ALMS1: variants seen among roughly 807,000 people sequenced by gnomAD.
ALMS1 encodes the protein ALMS1 centrosome and basal body associated protein, also known as centrosome-associated protein ALMS1.
Under a neutral mutation model 352.2 loss-of-function variants are expected in ALMS1, and 271 were observed. The observed-to-expected ratio is 0.77, with a 90% CI of 0.70 to 0.85. The LOEUF (loss-of-function observed/expected upper bound fraction) is 0.85, where lower values mean the gene tolerates loss of function less well. Among genes scored for constraint, ALMS1 ranks in the 40% least tolerant of loss-of-function variants. The pLI, the probability that ALMS1 is intolerant of heterozygous loss-of-function variation, is 0.00. For missense variants in ALMS1, 5,445 were observed against 4,870.7 expected (o/e 1.12, Z -3.51); for synonymous variants, 1,865 against 1,761.2 (o/e 1.06, Z -1.48).
chr2:73,512,446 A>T (rs573650519), intron 10 of ALMS1, among the ~76,000 whole-genome samples: 2 of 150,516 alleles, frequency 1.3e-5, no homozygotes, highest in Non-Finnish European at 3.0e-5. Flanking sequence ...TTATCTCATT[A>T]TTGCTTTAAT....
intron 9 of ALMS1, among the ~76,000 whole-genome samples, chr2:73,480,552 T>G (rs1345581445): frequency 1.3e-5 from 2 of 152,014 alleles, no homozygotes; most frequent in Non-Finnish European, 2.9e-5. Flanking sequence ...GCATGTGTCT[T>G]TATAGCAGCA....
chr2:73,415,094 T>C (rs1186208728), intron 2 of ALMS1, among the ~76,000 whole-genome samples: 5 of 152,082 alleles, frequency 3.3e-5, no homozygotes, highest in Non-Finnish European at 7.4e-5. Flanking sequence ...TATCTCAAAC[T>C]TTTTTTCTCC....
intron 12 of ALMS1, among the ~76,000 whole-genome samples, chr2:73,536,445 C>T (rs533066594): frequency 2.4e-4 from 36 of 151,442 alleles, no homozygotes; most frequent in African/African-American, 7.0e-4. Context: ...TGCATCAGTA[C>T]GACAAAAAGA....
intron 15 of ALMS1, among the ~76,000 whole-genome samples, chr2:73,571,443 C>A (rs1197127368): frequency 6.6e-6 from 1 of 152,104 alleles, no homozygotes; most frequent in Non-Finnish European, 1.5e-5. Context: ...GTCTCTGCTT[C>A]CAAAATGGTG....
intron 3 of ALMS1, among the ~76,000 whole-genome samples, chr2:73,419,997 C>T (rs544787447): frequency 4.3e-4 from 66 of 152,284 alleles, no homozygotes; most frequent in African/African-American, 1.5e-3. Flanking sequence ...TTAGTGCCAA[C>T]GTTTTCTATG....
intron 1 of ALMS1, 90 bp downstream of exon 1, chr2:73,386,282 G>T: frequency 2.1e-6 from 3 of 1,407,778 alleles, no homozygotes; most frequent in Non-Finnish European, 2.8e-6. Flanking sequence ...AGGTCACGCC[G>T]CCTGACGGAG....
Position 73,491,392 on chromosome 2 carries a change from A to T in ALMS1, c.9433A>T (p.Ile3145Leu), listed in dbSNP as rs767987000. 1 of 1,614,186 alleles carries T rather than the reference A, an allele frequency of 6.2e-7. No homozygotes were observed. ...SNTITQDLKT[I>L]PSQNSQIVTS... ...CACTATTACTCAGGACTTGAAAACC[A>T]TACCTTCTCAGAATAGCCAGATAGT... Residue 3145 changes from isoleucine to leucine, a missense_variant, in exon 10 of 23, where the codon ATA (isoleucine) becomes TTA (leucine). Ile to Leu is a conservative substitution (Grantham distance 5). Coordinates refer to ENST00000613296, the MANE Select transcript of ALMS1 (RefSeq NM_001378454.1).
At chr2:73,463,174 G>A (rs187618397) in intron 9 of ALMS1, among the ~76,000 whole-genome samples, 51 of 152,156 alleles carry the variant, frequency 3.4e-4, no homozygotes, top group East Asian at 3.1e-3. Flanking sequence ...GCACCACACC[G>A]CACCTATTCC....
At position 73,445,751 on chromosome 2, in the gene ALMS1, C is replaced by T. The variant is rs140536224; in HGVS notation, c.1433-2209C>T. Among the ~76,000 whole-genome samples the T allele has an allele frequency of 6.3e-3, 927 of 148,062 alleles. 7 individuals carry two copies. The highest frequency in any genetic ancestry group is 9.5e-3 in the Non-Finnish European group (636 of 67,106). On this transcript the variant is annotated intron_variant, in intron 7 of 22. Transcript: ENST00000613296. Reference sequence around the variant, plus strand: ...TGTCATCTCTAAGAGGCATACAGTTCCCACCCAATATACAACTTTGGTGTA... The same window carrying T: ...TGTCATCTCTAAGAGGCATACAGTTTCCACCCAATATACAACTTTGGTGTA...
At position 73,448,555 on chromosome 2, in the gene ALMS1, C is replaced by CT; in HGVS notation, c.2033dup (p.Tyr679LeufsTer12). On this transcript the variant is annotated frameshift_variant, in exon 8 of 23. Coordinates refer to ENST00000613296, the MANE Select transcript of ALMS1 (RefSeq NM_001378454.1). LOFTEE classifies it high-confidence loss of function. ...CCCACTCACATGTAGAGGACCTCCT[C>CT]TTTTTCTATCGACAGACCTTGCCAG... The CT allele has an allele frequency of 6.2e-7, 1 of 1,613,914 alleles. No homozygotes were observed. The highest frequency in any genetic ancestry group is 8.5e-7 in the Non-Finnish European group (1 of 1,179,906).
intron 9 of ALMS1, among the ~76,000 whole-genome samples, chr2:73,481,656 G>A (rs34142813): frequency 0.37 from 53,900 of 146,888 alleles, 14,612 homozygotes; most frequent in African/African-American, 0.76. Flanking sequence ...GAATCTGTAA[G>A]TTACCTTGGG....
chr2:73,547,569 G>A (rs536579681), intron 12 of ALMS1, among the ~76,000 whole-genome samples: 30 of 152,264 alleles, frequency 2.0e-4, no homozygotes, highest in African/African-American at 7.0e-4. Context: ...TAAAACAATG[G>A]ACTCCCATAA....
chr2:73,453,889 A>C lies in ALMS1; in HGVS notation c.7362A>C (p.Thr2454=). Residue 2454 remains threonine (T), a synonymous_variant, in exon 8 of 23, where the codon ACA becomes ACC. Coordinates refer to ENST00000613296, the MANE Select transcript of ALMS1 (RefSeq NM_001378454.1). ...TCTTTCCATATGTTTCACCCAAGACAAGTATAACAGATAGCAGGGAGGAAG... is the reference window on the plus strand; with the variant it reads ...TCTTTCCATATGTTTCACCCAAGACCAGTATAACAGATAGCAGGGAGGAAG... The part of the protein sequence containing the change: ...LNFFPYVSPK[T]SITDSREEEG... The C allele has an allele frequency of 6.2e-7, 1 of 1,614,144 alleles. No individual in the cohort carries two copies. Among genetic ancestry groups the C allele is most frequent in the Non-Finnish European group, 8.5e-7 (1 of 1,180,004 alleles).
In ALMS1 at chr2:73,449,384, A is replaced by G; in HGVS notation, c.2857A>G (p.Asn953Asp). 1 of 1,614,082 alleles carries G rather than the reference A, an allele frequency of 6.2e-7. No individual in the cohort carries two copies. The highest frequency in any genetic ancestry group is 1.3e-5 in the African/African-American group (1 of 75,028). ...GACTGGGACACCAACAGTGTCCTCT[A>G]ATTCTCACTCACATAGCGAGAAATC... ...QKTGTPTVSS[N>D]SHSHSEKSSV... is the part of the protein sequence containing the mutation. Residue 953 changes from asparagine (N) to aspartate (D), a missense_variant, in exon 8 of 23, where the codon AAT (asparagine) becomes GAT (aspartate). Coordinates refer to ENST00000613296, the MANE Select transcript of ALMS1 (RefSeq NM_001378454.1).
At chr2:73,526,811 A>G (rs970879356) in intron 11 of ALMS1, among the ~76,000 whole-genome samples, 14 of 152,130 alleles carry the variant, frequency 9.2e-5, no homozygotes, top group African/African-American at 3.1e-4. Flanking sequence ...GCTATGTTGA[A>G]TAACGGTTTT....
chr2:73,461,485 A>G (rs1259294790), intron 9 of ALMS1, among the ~76,000 whole-genome samples: 1 of 152,262 alleles, frequency 6.6e-6, no homozygotes, highest in African/African-American at 2.4e-5. Context: ...CCAAAGGTAG[A>G]TAAAACCACA....
intron 16 of ALMS1, among the ~76,000 whole-genome samples, chr2:73,581,551 C>T (rs972016633): frequency 1.3e-5 from 2 of 152,160 alleles, no homozygotes; most frequent in Non-Finnish European, 2.9e-5. Flanking sequence ...TTAGCAAACA[C>T]TTGGTTACTA....
At chr2:73,606,924 A>G (rs547206587) in intron 21 of ALMS1, among the ~76,000 whole-genome samples, 1 of 152,342 alleles carries the variant, frequency 6.6e-6, no homozygotes, top group South Asian at 2.1e-4. Flanking sequence ...TTTTATTTGG[A>G]AGCACTTGTT....
chr2:73,582,269 A>C (rs1345807961), intron 16 of ALMS1, among the ~76,000 whole-genome samples: 1 of 152,166 alleles, frequency 6.6e-6, no homozygotes, highest in Non-Finnish European at 1.5e-5. Flanking sequence ...GTTTGGTTTA[A>C]ATTTTATTAT....
Sources: gnomAD v4.1 joint callset for allele counts (sites outside exome capture counted in the v4.1 genomes callset) on GRCh38, gnomAD v4.1.1 for gene constraint, MANE v1.5 for transcripts, NCBI Gene and HGNC (gene_info 2026-07-23, HGNC 2026-07-21) for gene names.